TTN: variants seen among roughly 807,000 people sequenced by gnomAD.
TTN encodes the protein connectin.
A neutral mutation model predicts 3,223.0 loss-of-function variants in TTN; 1,525 were observed. The observed-to-expected ratio is 0.47, with a 90% CI of 0.45 to 0.49. The LOEUF is 0.49. Ranked by LOEUF, TTN falls within the 20% of genes least tolerant of loss-of-function variation. The pLI, the probability that TTN is intolerant of heterozygous loss-of-function variation, is 0.00. For synonymous variants in TTN, 14,094 were observed against 15,161.0 expected (o/e 0.93, Z 5.17); for missense variants, 40,786 against 43,424.0 (o/e 0.94, Z 5.40).
rs770655963 is a variant in TTN at position 178,618,621 on chromosome 2, A to T, written c.46929T>A (p.His15643Gln). The T allele has an allele frequency of 2.5e-6, 4 of 1,612,154 alleles. No homozygotes were observed. In the Admixed American group the frequency reaches 6.7e-5, roughly 27 times the overall value. Reference protein sequence around the residue: ...GRYKIVLQNKHGKAEGFINLK... With the variant: ...GRYKIVLQNKQGKAEGFINLK... ...AATTGATGAATCCTTCTGCTTTTCC[A>T]TGTTTGTTCTGAAGCACAATTTTAT... is the stretch of plus-strand genomic sequence containing the variant. The change falls in exon 251 of 363, where the codon CAT becomes CAA. Residue 15643 changes from histidine to glutamine, a missense_variant. Transcript: ENST00000589042.
chr2:178,679,541 T>G, intron 141 of TTN, 58 bp downstream of exon 141: 1 of 1,587,550 alleles, frequency 6.3e-7, no homozygotes, highest in Non-Finnish European at 8.6e-7. Context: ...CAGAAGAAAG[T>G]TAACTATTTC....
At chr2:178,702,109 T>TA (rs1560497943) in intron 108 of TTN, 43 bp from the exon 109 acceptor site, 1 of 1,613,430 alleles carries the variant, frequency 6.2e-7, no homozygotes, top group Non-Finnish European at 8.5e-7. Flanking sequence ...TTCAGAATGG[T>TA]ATAGGTAGGC....
intron 67 of TTN, 43 bp from the exon 68 acceptor site, chr2:178,727,906 G>T: frequency 6.6e-7 from 1 of 1,505,256 alleles, no homozygotes; most frequent in Non-Finnish European, 8.9e-7. Context: ...ATTGCTTGCA[G>T]TTGAATTATT....
At chr2:178,711,441 T>A in intron 96 of TTN, 92 bp from the exon 97 acceptor site, 1 of 1,292,456 alleles carries the variant, frequency 7.7e-7, no homozygotes, top group Non-Finnish European at 1.0e-6. Context: ...TATATGCAAT[T>A]TCTATTAAAA....
In TTN at chr2:178,545,956, G is replaced by A. The variant is rs759261322; in HGVS notation, c.95280C>T (p.Gly31760=). Residue 31760 remains glycine, a synonymous_variant, in exon 343 of 363, where the codon GGC becomes GGT. Coordinates refer to ENST00000589042, the MANE Select transcript of TTN (RefSeq NM_001267550.2). The part of the protein sequence containing the change: ...TSRLNWVIVE[G]ECPTLSYVVT... ...CGACATAGGATAGGGTTGGGCATTC[G>A]CCTTCAACAATCACCCAGTTGAGCC... 12 of 1,613,808 alleles carry A rather than the reference G, an allele frequency of 7.4e-6. No homozygotes were observed. Among genetic ancestry groups the A allele is most frequent in the Admixed American group, 1.7e-5 (1 of 59,996 alleles).
rs1345945391 is a variant in TTN at position 178,594,099 on chromosome 2, G to A, written c.58294C>T (p.Arg19432Cys). The A allele has an allele frequency of 3.7e-6, 6 of 1,613,254 alleles. No homozygotes were observed. The highest frequency in any genetic ancestry group is 3.4e-6 in the Non-Finnish European group (4 of 1,179,616). ...GCTGGTGTAGTCTTTATATGAGTGC[G>A]ATCATCTTCCAGCACATCAGCTTCA... ...KDEADVLEDD[R>C]THIKTTPATL... The change falls in exon 297 of 363, where the codon CGC becomes TGC. Residue 19432 changes from arginine (R) to cysteine (C), a missense_variant. Coordinates refer to ENST00000589042, the MANE Select transcript of TTN (RefSeq NM_001267550.2).
Position 178,713,971 on chromosome 2 carries a change from T to C in TTN, c.26687A>G (p.Asp8896Gly). 1 of 1,613,720 alleles carries C rather than the reference T, an allele frequency of 6.2e-7. No individual in the cohort carries two copies. The highest frequency in any genetic ancestry group is 8.5e-7 in the Non-Finnish European group (1 of 1,179,710). The change falls in exon 92 of 363, where the codon GAC (aspartate) becomes GGC (glycine). Residue 8896 changes from aspartate (D) to glycine (G), a missense_variant. Physicochemically the swap from Asp to Gly is moderately conservative, Grantham distance 94. Coordinates refer to ENST00000589042, the MANE Select transcript of TTN (RefSeq NM_001267550.2). ...CACCTCAAAACTGTATACCCCACTG[T>C]CACTCGGTGCTACATTGATGATCTT... ...GLKIINVAPS[D>G]SGVYSFEVQN...
chr2:178,602,264 C>G lies in TTN; in HGVS notation c.55120+18G>C. The G allele has an allele frequency of 1.9e-6, 3 of 1,608,354 alleles. No homozygotes were observed. The South Asian group carries it at 3.4e-5, about 18-fold the overall frequency. On this transcript the variant is annotated intron_variant, in intron 283 of 362. Transcript: ENST00000589042. ...TAAGATCAAAAGAGGAATACATAAA[C>G]TGAGTAAGTACTAGTACCTTGAATA...
At chr2:178,779,563 G>A in intron 22 of TTN, 101 bp from the exon 23 acceptor site, 2 of 794,232 alleles carry the variant, frequency 2.5e-6, no homozygotes, top group South Asian at 3.6e-5. Context: ...TTTTAGCTGG[G>A]AGAAGAATCT....
rs889256993 is a variant in TTN, at chr2:178,665,805, A to T, written c.35876-14T>A. On this transcript the variant is annotated splice_polypyrimidine_tract_variant and intron_variant, in intron 163 of 362. Transcript: ENST00000589042. ...GTGATTCAGGCACTTTAAAGATATG[A>T]ATGCATTGTACTTTGGAGTTATGAA... is the stretch of plus-strand genomic sequence containing the variant. 2 of 1,248,778 alleles carry T rather than the reference A, an allele frequency of 1.6e-6. No homozygotes were observed. Among genetic ancestry groups the T allele is most frequent in the African/African-American group, 3.1e-5 (2 of 65,054 alleles). 77.4% of individuals were successfully genotyped at this position (1,248,778 alleles called of 1,614,324 possible).
In TTN at chr2:178,713,236, G is replaced by T. The variant is rs377763876; in HGVS notation, c.26898C>A (p.Ile8966=). ...SVSWFHEGNE[I]SSGRKYQTTL... is the part of the protein sequence containing the mutation. ...TGGTCTGGTATTTCCTTCCACTACT[G>T]ATCTCATTTCCTTCATGGAACCAGG... is the stretch of plus-strand genomic sequence containing the variant. The change falls in exon 93 of 363, where the codon ATC becomes ATA. Residue 8966 remains isoleucine (I), a synonymous_variant. Transcript: ENST00000589042. 6 of 1,613,116 alleles carry T rather than the reference G, an allele frequency of 3.7e-6. No homozygotes were observed. Among genetic ancestry groups the T allele is most frequent in the Non-Finnish European group, 5.1e-6 (6 of 1,179,574 alleles).
At chr2:178,624,249 T>C (rs551126164) in intron 242 of TTN, among the ~76,000 whole-genome samples, 3 of 152,108 alleles carry the variant, frequency 2.0e-5, no homozygotes, top group Non-Finnish European at 1.5e-5. Flanking sequence ...GGAAAAGTGA[T>C]TGCTCCATCA....
At chr2:178,742,561 TA>T (rs1277362607) in intron 47 of TTN, among the ~76,000 whole-genome samples, 10 of 152,096 alleles carry the variant, frequency 6.6e-5, no homozygotes, top group Admixed American at 5.9e-4. Context: ...GAAAATAAGA[TA>T]ATCAAAAATA....
chr2:178,604,757 T>G lies in TTN; in HGVS notation c.54332A>C (p.Lys18111Thr), dbSNP rs2054379596. The G allele has an allele frequency of 6.2e-7, 1 of 1,612,070 alleles. No individual in the cohort carries two copies. The highest frequency in any genetic ancestry group is 1.3e-5 in the African/African-American group (1 of 74,836). ...VIDKRDASRK[K>T]AEWEEVTNTA... ...GTTGGTGACTTCCTCCCATTCTGCT[T>G]TCTTCCTACTTGCATCACGTTTGTC... The change falls in exon 281 of 363, where the codon AAA becomes ACA. Residue 18111 changes from lysine to threonine, a missense_variant. Physicochemically the swap from Lys to Thr is moderately conservative, Grantham distance 78. Coordinates refer to ENST00000589042, the MANE Select transcript of TTN (RefSeq NM_001267550.2).
chr2:178,624,210 C>T (rs1165370033), intron 242 of TTN, among the ~76,000 whole-genome samples: 1 of 151,982 alleles, frequency 6.6e-6, no homozygotes, highest in African/African-American at 2.4e-5. Context: ...CACATCTACT[C>T]ACTACTCAGT....
In TTN at chr2:178,753,154, T is replaced by C. The variant is rs779829106; in HGVS notation, c.11281A>G (p.Ile3761Val). Residue 3761 changes from isoleucine (I) to valine (V), a missense_variant, in exon 47 of 363, where the codon ATT (isoleucine) becomes GTT (valine). Coordinates refer to ENST00000589042, the MANE Select transcript of TTN (RefSeq NM_001267550.2). ...GAPESILHERIEQEIEMEMKE... is the reference protein window; with the variant it reads ...GAPESILHERVEQEIEMEMKE... ...ATTTCCATCTCAATCTCTTGTTCAA[T>C]CCTCTCATGCAAAATTGATTCAGGA... The C allele has an allele frequency of 5.0e-6, 8 of 1,609,600 alleles. No individual in the cohort carries two copies. The East Asian group carries it at 1.3e-4, about 27-fold the overall frequency.
intron 4 of TTN, 79 bp downstream of exon 4, chr2:178,800,316 G>A: frequency 1.3e-6 from 2 of 1,571,956 alleles, no homozygotes; most frequent in East Asian, 2.2e-5. Context: ...TGTGAGAGGT[G>A]GCAAGTGGAC....
chr2:178,541,215 A>T, intron 350 of TTN, 67 bp downstream of exon 350: 1 of 1,399,884 alleles, frequency 7.1e-7, no homozygotes, highest in Non-Finnish European at 9.4e-7. Flanking sequence ...TATATATTTC[A>T]AAAAGGTGAA....
intron 2 of TTN, among the ~76,000 whole-genome samples, chr2:178,803,744 C>T (rs2094178730): frequency 6.6e-6 from 1 of 150,806 alleles, no homozygotes; most frequent in African/African-American, 2.4e-5. Flanking sequence ...TGGCTCGTTA[C>T]AATACTACAG....
Sources: gnomAD v4.1 joint callset for allele counts (sites outside exome capture counted in the v4.1 genomes callset) on GRCh38, gnomAD v4.1.1 for gene constraint, MANE v1.5 for transcripts, NCBI Gene and HGNC (gene_info 2026-07-23, HGNC 2026-07-21) for gene names.